PPP1R9A: variants seen among roughly 807,000 people sequenced by gnomAD.
The protein encoded by PPP1R9A is neurabin-1.
PPP1R9A carries 59 observed loss-of-function variants against 141.9 expected under a neutral mutation model. The ratio of observed to expected loss-of-function variants is 0.42; its 90% CI spans 0.34 to 0.52. The LOEUF (loss-of-function observed/expected upper bound fraction) is 0.52. PPP1R9A is among the 20% of genes least tolerant of loss of function. The pLI is 0.10. For missense variants in PPP1R9A, 1,444 were observed against 1,611.9 expected, an observed-to-expected ratio of 0.90 and a Z score of 1.78; for synonymous variants, 500 against 569.7, an observed-to-expected ratio of 0.88 and a Z score of 1.74.
At chr7:95,248,139 A>G (rs572702690) in intron 9 of PPP1R9A, among the ~76,000 whole-genome samples, 32 of 150,922 alleles carry the variant, frequency 2.1e-4, no homozygotes, top group Admixed American at 3.3e-4. Flanking sequence ...ATGAGACACA[A>G]TTCTAGCAAT....
chr7:95,268,151 A>C (rs1801593899), intron 12 of PPP1R9A, among the ~76,000 whole-genome samples: 1 of 152,120 alleles, frequency 6.6e-6, no homozygotes, highest in Non-Finnish European at 1.5e-5. Flanking sequence ...TGGAAACCTG[A>C]CTTTGTAGGT....
chr7:95,188,568 T>TTGTG (rs995808656), intron 5 of PPP1R9A, among the ~76,000 whole-genome samples: 3 of 150,402 alleles, frequency 2.0e-5, no homozygotes, highest in South Asian at 2.1e-4. Context: ...TTGTTTTTGT[T>TTGTG]TGTGTGTGTG....
At chr7:95,015,821 G>A (rs1805023016) in intron 2 of PPP1R9A, among the ~76,000 whole-genome samples, 1 of 152,034 alleles carries the variant, frequency 6.6e-6, no homozygotes, top group South Asian at 2.1e-4. Context: ...AGGCTAAGGT[G>A]GGAGGATTAC....
At chr7:94,923,174 A>C (rs1793055009) in intron 2 of PPP1R9A, among the ~76,000 whole-genome samples, 1 of 152,152 alleles carries the variant, frequency 6.6e-6, no homozygotes, top group African/African-American at 2.4e-5. Context: ...ATTCATTTTA[A>C]ATTGTGATTA....
intron 2 of PPP1R9A, among the ~76,000 whole-genome samples, chr7:94,959,812 A>G (rs1047389760): frequency 5.9e-5 from 9 of 151,744 alleles, no homozygotes; most frequent in African/African-American, 1.2e-4. Context: ...TTATTATAAA[A>G]TGTTAACAGT....
chr7:95,022,968 G>C (rs1466086099), intron 2 of PPP1R9A, among the ~76,000 whole-genome samples: 1 of 152,070 alleles, frequency 6.6e-6, no homozygotes, highest in Non-Finnish European at 1.5e-5. Flanking sequence ...GCCAGGTTTT[G>C]GTATCAGGAT....
intron 2 of PPP1R9A, among the ~76,000 whole-genome samples, chr7:94,971,565 A>C (rs1798864679): frequency 6.6e-6 from 1 of 152,180 alleles, no homozygotes; most frequent in Admixed American, 6.5e-5. Context: ...GAGAATTCAC[A>C]GTTTTCTATT....
chr7:94,958,525 T>C (rs1292495649), intron 2 of PPP1R9A, among the ~76,000 whole-genome samples: 1 of 152,048 alleles, frequency 6.6e-6, no homozygotes, highest in African/African-American at 2.4e-5. Flanking sequence ...CTTTTTTCTT[T>C]TTTGCTTACT....
intron 2 of PPP1R9A, among the ~76,000 whole-genome samples, chr7:95,061,194 T>C (rs1812181664): frequency 1.3e-5 from 2 of 152,324 alleles, no homozygotes; most frequent in South Asian, 4.1e-4. Flanking sequence ...TTTCTGAACT[T>C]CTTGCCTTCC....
intron 2 of PPP1R9A, among the ~76,000 whole-genome samples, chr7:94,928,672 T>G (rs1793774636): frequency 6.6e-6 from 1 of 152,204 alleles, no homozygotes; most frequent in Non-Finnish European, 1.5e-5. Flanking sequence ...CCCTCTTTAT[T>G]TGTCTTTCTA....
In PPP1R9A at chr7:94,913,783, TATC is replaced by T. The variant is rs1162704117; in HGVS notation, c.1395+2278_1395+2280del. On this transcript the variant is annotated intron_variant, in intron 2 of 19. Coordinates refer to ENST00000433360, the MANE Select transcript of PPP1R9A (RefSeq NM_001166160.2). ...CCAATTAAAGTATTTATTGAAGGCT[TATC>T]ATGTGTGTTCTCTCATGCTGTTAGC... is the stretch of plus-strand genomic sequence containing the variant. 2.6e-5 allele frequency among the ~76,000 whole-genome samples: 4 copies of T among 152,322 alleles called. 1 individual carries two copies. Among genetic ancestry groups the T allele is most frequent in the Admixed American group, 2.6e-4 (4 of 15,296 alleles).
intron 2 of PPP1R9A, among the ~76,000 whole-genome samples, chr7:94,950,377 T>C (rs1452412235): frequency 1.3e-5 from 2 of 152,142 alleles, no homozygotes; most frequent in Non-Finnish European, 2.9e-5. Flanking sequence ...TGTCACAAAC[T>C]GATTTTGTCA....
intron 2 of PPP1R9A, among the ~76,000 whole-genome samples, chr7:94,987,397 G>A (rs1048278929): frequency 2.0e-5 from 3 of 152,146 alleles, no homozygotes; most frequent in African/African-American, 7.2e-5. Flanking sequence ...TATAGATAAA[G>A]TAATACTCCT....
At chr7:94,949,547 G>C (rs1796237511) in intron 2 of PPP1R9A, among the ~76,000 whole-genome samples, 1 of 152,032 alleles carries the variant, frequency 6.6e-6, no homozygotes, top group Non-Finnish European at 1.5e-5. Context: ...AAAATAGAAG[G>C]CTACTCTGAC....
At chr7:95,243,816 G>A (rs1797771612) in intron 8 of PPP1R9A, among the ~76,000 whole-genome samples, 1 of 151,992 alleles carries the variant, frequency 6.6e-6, no homozygotes. Flanking sequence ...AATGATAAAG[G>A]GAGATGATTA....
chr7:95,010,397 C>A (rs1427469458), intron 2 of PPP1R9A, among the ~76,000 whole-genome samples: 1 of 151,974 alleles, frequency 6.6e-6, no homozygotes, highest in Non-Finnish European at 1.5e-5. Flanking sequence ...GAGTGAGACT[C>A]TAGACCCATC....
At chr7:94,968,959 C>T (rs965765709) in intron 2 of PPP1R9A, among the ~76,000 whole-genome samples, 4 of 151,928 alleles carry the variant, frequency 2.6e-5, no homozygotes, top group Non-Finnish European at 4.4e-5. Flanking sequence ...GTATGCTTCA[C>T]GAAGTTCTCG....
chr7:95,200,497 C>CT (rs1789316403), intron 6 of PPP1R9A, among the ~76,000 whole-genome samples: 1 of 151,756 alleles, frequency 6.6e-6, no homozygotes, highest in African/African-American at 2.4e-5. Context: ...CCAGGCCTGT[C>CT]TTGAACTCCT....
chr7:95,188,411 CTTGG>C (rs1834962226), intron 5 of PPP1R9A, among the ~76,000 whole-genome samples: 1 of 152,092 alleles, frequency 6.6e-6, no homozygotes, highest in South Asian at 2.1e-4. Context: ...ATAGCATATA[CTTGG>C]TTGGTGGATT....
Sources: gnomAD v4.1 joint callset for allele counts (sites outside exome capture counted in the v4.1 genomes callset) on GRCh38, gnomAD v4.1.1 for gene constraint, MANE v1.5 for transcripts, NCBI Gene and HGNC (gene_info 2026-07-23, HGNC 2026-07-21) for gene names.